PDZRN4: variants seen among roughly 807,000 people sequenced by gnomAD.
PDZRN4 encodes the protein PDZ domain containing ring finger 4.
In PDZRN4, 70 loss-of-function variants were observed where a neutral mutation model predicts 99.0. That is an observed-to-expected ratio of 0.71 (90% CI 0.58 to 0.86). PDZRN4 has a LOEUF of 0.86. PDZRN4 is among the 40% of genes least tolerant of loss of function. The pLI is 0.00. For missense variants in PDZRN4, 1,474 were observed against 1,331.2 expected, an observed-to-expected ratio of 1.11 and a Z score of -1.67; for synonymous variants, 551 against 501.6, an observed-to-expected ratio of 1.10 and a Z score of -1.32.
At chr12:41,445,559 A>G (rs1341528454) in intron 3 of PDZRN4, among the ~76,000 whole-genome samples, 1 of 152,084 alleles carries the variant, frequency 6.6e-6, no homozygotes, top group Non-Finnish European at 1.5e-5. Flanking sequence ...TAGGTATGCA[A>G]TCAATCTGAT....
At chr12:41,465,900 T>C (rs7953426) in intron 3 of PDZRN4, among the ~76,000 whole-genome samples, 26 of 152,356 alleles carry the variant, frequency 1.7e-4, no homozygotes, top group Non-Finnish European at 2.9e-4. Context: ...TGTTTTTTTT[T>C]AATAGCCTTG....
intron 3 of PDZRN4, among the ~76,000 whole-genome samples, chr12:41,382,813 G>C (rs542003175): frequency 6.6e-6 from 1 of 152,120 alleles, no homozygotes; most frequent in Non-Finnish European, 1.5e-5. Context: ...GCACAAGAAC[G>C]TGTTAAGAAA....
rs777832764 is a variant in PDZRN4, at chr12:41,573,473, A to G, written c.2694A>G (p.Thr898=). The change falls in exon 10 of 10, where the codon ACA becomes ACG. Residue 898 remains threonine, a synonymous_variant. Coordinates refer to ENST00000402685, the MANE Select transcript of PDZRN4 (RefSeq NM_001164595.2). The part of the protein sequence containing the change: ...EWKVKIRSDG[T]RYITKRPVRD... ...AGGTGAAAATTAGGAGCGACGGGAC[A>G]CGGTACATCACAAAGAGACCCGTGC... 6.2e-7 allele frequency: 1 copy of G among 1,614,032 alleles called. No individual in the cohort carries two copies. The highest frequency in any genetic ancestry group is 8.5e-7 in the Non-Finnish European group (1 of 1,179,994).
At position 41,574,289 on chromosome 12, in the gene PDZRN4, C is replaced by A. The variant is rs959817168; in HGVS notation, c.*399C>A. ...ATAATAACTCAATGCCAAAATATTT[C>A]TATGCTTGTTTCTTGGCATAATACA... On this transcript the variant is annotated 3_prime_UTR_variant, in exon 10 of 10. Coordinates refer to ENST00000402685, the MANE Select transcript of PDZRN4 (RefSeq NM_001164595.2). The A allele has an allele frequency of 6.4e-6, 1 of 155,190 alleles. No individual in the cohort carries two copies. The highest frequency in any genetic ancestry group is 1.4e-5 in the Non-Finnish European group (1 of 69,900). 9.6% of individuals were successfully genotyped at this position (155,190 alleles called of 1,614,324 possible).
intron 3 of PDZRN4, among the ~76,000 whole-genome samples, chr12:41,455,092 T>C (rs1264795645): frequency 2.0e-5 from 3 of 152,330 alleles, no homozygotes; most frequent in East Asian, 3.9e-4. Flanking sequence ...AATGATGTCT[T>C]AAAACCTTGA....
intron 7 of PDZRN4, among the ~76,000 whole-genome samples, chr12:41,561,912 G>A (rs958284584): frequency 7.2e-5 from 11 of 152,226 alleles, no homozygotes; most frequent in Admixed American, 5.2e-4. Context: ...GGTAGGGGAA[G>A]TATAGTGGAA....
intron 3 of PDZRN4, among the ~76,000 whole-genome samples, chr12:41,271,477 T>G (rs2116131): frequency 6.6e-6 from 1 of 152,106 alleles, no homozygotes; most frequent in Non-Finnish European, 1.5e-5. Flanking sequence ...TATTTTCTCT[T>G]ATTCCAAAAC....
intron 3 of PDZRN4, among the ~76,000 whole-genome samples, chr12:41,453,044 T>C (rs1279509318): frequency 6.6e-6 from 1 of 152,094 alleles, no homozygotes; most frequent in Non-Finnish European, 1.5e-5. Context: ...CAGAGAGAGC[T>C]CTGAAACTGG....
chr12:41,542,243 G>A (rs1423870005), intron 5 of PDZRN4, among the ~76,000 whole-genome samples: 4 of 152,204 alleles, frequency 2.6e-5, no homozygotes, highest in Non-Finnish European at 4.4e-5. Flanking sequence ...AATCAAGACC[G>A]CGGGGCCAGG....
intron 3 of PDZRN4, among the ~76,000 whole-genome samples, chr12:41,463,665 T>C (rs895584959): frequency 1.3e-5 from 2 of 152,184 alleles, no homozygotes; most frequent in Non-Finnish European, 2.9e-5. Context: ...ATATTTAGCA[T>C]GTAACTCTTG....
intron 3 of PDZRN4, among the ~76,000 whole-genome samples, chr12:41,486,718 G>A (rs761544800): frequency 6.6e-6 from 1 of 152,024 alleles, no homozygotes; most frequent in Non-Finnish European, 1.5e-5. Context: ...GAGCTTTCTC[G>A]GAAAGTTGTG....
intron 3 of PDZRN4, among the ~76,000 whole-genome samples, chr12:41,259,806 C>G (rs539610166): frequency 1.3e-5 from 2 of 152,252 alleles, no homozygotes; most frequent in South Asian, 4.1e-4. Context: ...TTAGCCCTCT[C>G]TTTTAGATAT....
intron 3 of PDZRN4, among the ~76,000 whole-genome samples, chr12:41,406,347 CA>C (rs111522219): frequency 0.013 from 1,974 of 151,964 alleles, 44 homozygotes; most frequent in African/African-American, 0.045. Context: ...GAAAACGAAA[CA>C]AAAAAATGTA....
intron 3 of PDZRN4, among the ~76,000 whole-genome samples, chr12:41,208,166 T>G (rs554030562): frequency 3.3e-5 from 5 of 151,906 alleles, no homozygotes; most frequent in Admixed American, 1.3e-4. Flanking sequence ...AGGATTCAAC[T>G]GTTAAATCCC....
Position 41,188,903 on chromosome 12 carries a change from CCGGGCGGCCGCTGGGGCCG to C in PDZRN4, c.456_474del (p.Arg153AspfsTer69), listed in dbSNP as rs1210520482. ...GGGCGGGGGCGCGCGCGGGGGGCCGCCGGGCGGCCGCTGGGGCCGCGGGCGGGGACCCGGGCCTCGGGTC... is the reference window on the plus strand; with the variant it reads ...GGGCGGGGGCGCGCGCGGGGGGCCGCCGGGCGGGGACCCGGGCCTCGGGTC... On this transcript the variant is annotated frameshift_variant, in exon 1 of 10. Coordinates refer to ENST00000402685, the MANE Select transcript of PDZRN4 (RefSeq NM_001164595.2). LOFTEE classifies it high-confidence loss of function. 38 of 1,103,294 alleles carry C rather than the reference CCGGGCGGCCGCTGGGGCCG, an allele frequency of 3.4e-5. No individual in the cohort carries two copies. The highest frequency in any genetic ancestry group is 3.9e-4 in the Middle Eastern group (1 of 2,586). The allele number at this position is 1,103,294 out of a possible 1,614,324, so 68.3% of individuals were successfully genotyped here.
chr12:41,448,479 TAA>T (rs1170619881), intron 3 of PDZRN4, among the ~76,000 whole-genome samples: 1 of 148,828 alleles, frequency 6.7e-6, no homozygotes, highest in East Asian at 2.0e-4. Flanking sequence ...CTTCACAACT[TAA>T]AGTATAGTCA....
At chr12:41,394,546 C>T (rs1393645414) in intron 3 of PDZRN4, among the ~76,000 whole-genome samples, 1 of 152,152 alleles carries the variant, frequency 6.6e-6, no homozygotes, top group Admixed American at 6.6e-5. Context: ...CCAGCAACAT[C>T]TTAGCTGGCT....
At chr12:41,508,606 T>G (rs761162089) in intron 4 of PDZRN4, among the ~76,000 whole-genome samples, 9 of 152,114 alleles carry the variant, frequency 5.9e-5, no homozygotes, top group South Asian at 4.1e-4. Flanking sequence ...GCTTCGATAT[T>G]CCAAGAGCCC....
At chr12:41,428,450 T>C (rs1952556581) in intron 3 of PDZRN4, among the ~76,000 whole-genome samples, 1 of 152,152 alleles carries the variant, frequency 6.6e-6, no homozygotes, top group African/African-American at 2.4e-5. Flanking sequence ...TTGAGCAGAA[T>C]CCAATGTTGA....
Sources: allele counts gnomAD v4.1 joint callset (sites outside exome capture counted in the v4.1 genomes callset), GRCh38; gene constraint gnomAD v4.1.1; transcripts MANE v1.5; gene names NCBI Gene and HGNC (gene_info 2026-07-23, HGNC 2026-07-21).